Variants in GABRB3 observed in about 807,000 individuals in gnomAD.
GABRB3 encodes gamma-aminobutyric acid receptor subunit beta-3.
Under a neutral mutation model 52.1 loss-of-function variants are expected in GABRB3, and 14 were observed. The observed-to-expected ratio is 0.27, with a 90% CI of 0.18 to 0.42. The LOEUF (loss-of-function observed/expected upper bound fraction) is 0.42. GABRB3 is among the 10% of genes least tolerant of loss of function. GABRB3 has a pLI of 1.00. For synonymous variants in GABRB3, 260 were observed against 232.3 expected, an observed-to-expected ratio of 1.12 and a Z score of -1.08; for missense variants, 307 against 609.1, an observed-to-expected ratio of 0.50 and a Z score of 5.22.
chr15:26,722,983 A>G (rs531832922), intron 3 of GABRB3, among the ~76,000 whole-genome samples: 291 of 152,294 alleles, frequency 1.9e-3, no homozygotes, highest in African/African-American at 6.8e-3. Flanking sequence ...TTTCATTTTA[A>G]TAATAATACG....
rs750714790 is a variant in GABRB3, at chr15:26,621,266, C to A, written c.461+48G>T. On this transcript the variant is annotated intron_variant, in intron 4 of 8. Transcript: ENST00000311550. This position sits in a 1 kb window ranked among gnomAD's most constrained non-coding sequence, Gnocchi z 4.1. ...ATCATCTCAAGTGAGATATTCAACA[C>A]CCATGCACCATGCAACAGCAAAATT... 1.5e-6 allele frequency: 2 copies of A among 1,378,154 alleles called. No homozygotes were observed. The highest frequency in any genetic ancestry group is 2.9e-5 in the African/African-American group (2 of 70,170). The allele number at this position is 1,378,154 out of a possible 1,614,324, so 85.4% of individuals were successfully genotyped here. A position where few individuals can be genotyped will look rare whatever the true frequency, so the allele number is the denominator to read the frequency against.
intron 8 of GABRB3, among the ~76,000 whole-genome samples, chr15:26,551,842 G>GCGACC (rs1889478003): frequency 6.6e-6 from 1 of 150,944 alleles, no homozygotes; most frequent in African/African-American, 2.4e-5. Context: ...GATGGGAATG[G>GCGACC]ACCGAGATCA....
intron 3 of GABRB3, among the ~76,000 whole-genome samples, chr15:26,686,953 CA>C (rs1459326714): frequency 6.6e-6 from 1 of 152,272 alleles, no homozygotes; most frequent in Non-Finnish European, 1.5e-5. Flanking sequence ...ACAAGCTCAG[CA>C]CAACAGGCAT....
chr15:26,733,161 CAAGAA>C (rs1889979356), intron 3 of GABRB3, among the ~76,000 whole-genome samples: 3 of 151,930 alleles, frequency 2.0e-5, no homozygotes, highest in African/African-American at 7.3e-5. Context: ...AGCAATTAGA[CAAGAA>C]AAATAAATAA....
At chr15:26,764,768 C>T (rs189990266) in intron 3 of GABRB3, among the ~76,000 whole-genome samples, 1 of 152,170 alleles carries the variant, frequency 6.6e-6, no homozygotes, top group African/African-American at 2.4e-5. Flanking sequence ...ATGAAAACCA[C>T]CTCTGCTCCA....
At chr15:26,712,215 T>A (rs1889322145) in intron 3 of GABRB3, among the ~76,000 whole-genome samples, 1 of 151,792 alleles carries the variant, frequency 6.6e-6, no homozygotes, top group Non-Finnish European at 1.5e-5. Context: ...CATCTCATTA[T>A]GTTGCCCAGG....
intron 3 of GABRB3, among the ~76,000 whole-genome samples, chr15:26,698,772 G>A (rs570583545): frequency 1.1e-3 from 160 of 152,148 alleles, no homozygotes; most frequent in African/African-American, 3.8e-3. Flanking sequence ...GTTCACAGAT[G>A]CATGTTTATT....
chr15:26,761,229 C>T (rs999015497), intron 3 of GABRB3, among the ~76,000 whole-genome samples: 1 of 152,050 alleles, frequency 6.6e-6, no homozygotes, highest in African/African-American at 2.4e-5. Context: ...CCCGTCTCTA[C>T]TAAAAATACA....
intron 3 of GABRB3, among the ~76,000 whole-genome samples, chr15:26,753,042 C>T (rs1890559044): frequency 6.6e-6 from 1 of 152,148 alleles, no homozygotes; most frequent in Non-Finnish European, 1.5e-5. Context: ...GTTTCTTGTA[C>T]TGACCAAATG....
At chr15:26,686,916 A>C (rs1304600364) in intron 3 of GABRB3, among the ~76,000 whole-genome samples, 1 of 152,248 alleles carries the variant, frequency 6.6e-6, no homozygotes, top group African/African-American at 2.4e-5. Context: ...TAGTAGCCGC[A>C]TCTGGGAAAG....
Position 26,773,022 on chromosome 15 carries a change from CG to C in GABRB3, c.-61del. On this transcript the variant is annotated 5_prime_UTR_variant, in exon 1 of 9. Transcript: ENST00000311550. ...CCCCGCCGCCGTCGCGACCCGCAGC[CG>C]GGGCTGCTCCTGCTGCTGCCGCCGC... 1 of 1,157,864 alleles carries C rather than the reference CG, an allele frequency of 8.6e-7. No individual in the cohort carries two copies. The highest frequency in any genetic ancestry group is 3.4e-5 in the South Asian group (1 of 29,160). 71.7% of individuals were successfully genotyped at this position (1,157,864 alleles called of 1,614,324 possible).
At chr15:26,688,008 T>A (rs1888461252) in intron 3 of GABRB3, among the ~76,000 whole-genome samples, 1 of 152,232 alleles carries the variant, frequency 6.6e-6, no homozygotes, top group African/African-American at 2.4e-5. Flanking sequence ...ACACTCTGAC[T>A]TTATGACATA....
chr15:26,627,475 G>C (rs1344321491), intron 3 of GABRB3, among the ~76,000 whole-genome samples: 2 of 151,496 alleles, frequency 1.3e-5, no homozygotes, highest in Admixed American at 6.6e-5. Context: ...GAAAGGACTA[G>C]ATGTCATTCT....
In GABRB3 at chr15:26,772,925, A is replaced by G; in HGVS notation, c.38T>C (p.Phe13Ser). 1 of 1,492,656 alleles carries G rather than the reference A, an allele frequency of 6.7e-7. No homozygotes were observed. The allele number at this position is 1,492,656 out of a possible 1,614,324, so 92.5% of individuals were successfully genotyped here. ...GLAGGRLFGI[F>S]SAPVLVAVVC... The stretch of plus-strand genomic sequence containing the variant: ...CACAGCCACCAGCACCGGGGCCGAG[A>G]AGATGCCGAAAAGCCTTCCTCCCGC... Residue 13 changes from phenylalanine (F) to serine (S), a missense_variant, in exon 1 of 9, where the codon TTC becomes TCC. Phe to Ser is a radical substitution (Grantham distance 155). Coordinates refer to ENST00000311550, the MANE Select transcript of GABRB3 (RefSeq NM_000814.6).
Position 26,628,051 on chromosome 15 carries a change from T to G in GABRB3, c.241-6517A>C, listed in dbSNP as rs561075814. Among the ~76,000 whole-genome samples, 117 of 152,360 alleles carry G rather than the reference T, an allele frequency of 7.7e-4. 1 individual carries two copies. In the Middle Eastern group the frequency reaches 0.014, roughly 18 times the overall value. ...AGACCCTCCACCAGCAAAAAGATCA[T>G]GACTCACTGAAGGCTCAGATGATTG... On this transcript the variant is annotated intron_variant, in intron 3 of 8. Coordinates refer to ENST00000311550, the MANE Select transcript of GABRB3 (RefSeq NM_000814.6).
rs1889329561 is a variant in GABRB3, at chr15:26,548,142, G to C, written c.1081-8C>G. 6 of 1,609,122 alleles carry C rather than the reference G, an allele frequency of 3.7e-6. No individual in the cohort carries two copies. Among genetic ancestry groups the C allele is most frequent in the Non-Finnish European group, 5.1e-6 (6 of 1,175,604 alleles). Reference sequence around the variant, plus strand: ...ATTTCCATGAGCATCCACCTAATTGGACGGAAAATGCACATGGTTAGACAG... The same window carrying C: ...ATTTCCATGAGCATCCACCTAATTGCACGGAAAATGCACATGGTTAGACAG... On this transcript the variant is annotated splice_region_variant and splice_polypyrimidine_tract_variant and intron_variant, in intron 8 of 8. Coordinates refer to ENST00000311550, the MANE Select transcript of GABRB3 (RefSeq NM_000814.6).
At chr15:26,761,516 A>G (rs2140183952) in intron 3 of GABRB3, among the ~76,000 whole-genome samples, 1 of 152,154 alleles carries the variant, frequency 6.6e-6, no homozygotes, top group East Asian at 1.9e-4. Flanking sequence ...ATATGTAAAT[A>G]TATCTGATAT....
intron 3 of GABRB3, among the ~76,000 whole-genome samples, chr15:26,765,597 T>C (rs1166868681): frequency 6.6e-6 from 1 of 152,228 alleles, no homozygotes; most frequent in Non-Finnish European, 1.5e-5. Flanking sequence ...TCTTCATTCA[T>C]ATATTCCTTT....
intron 8 of GABRB3, among the ~76,000 whole-genome samples, chr15:26,558,795 G>A (rs907478756): frequency 3.3e-5 from 5 of 151,136 alleles, no homozygotes; most frequent in African/African-American, 7.3e-5. Flanking sequence ...CCAAGATCAC[G>A]CCATCACACT....
Sources: allele counts gnomAD v4.1 joint callset (sites outside exome capture counted in the v4.1 genomes callset), GRCh38; gene constraint gnomAD v4.1.1; non-coding constraint Gnocchi (gnomAD v3.1); transcripts MANE v1.5; gene names NCBI Gene and HGNC (gene_info 2026-07-23, HGNC 2026-07-21).